Variants in MYBPC1 observed in about 807,000 individuals in gnomAD.
MYBPC1 encodes the protein myosin-binding protein C, slow-type.
MYBPC1 carries 52 observed loss-of-function variants against 147.1 expected under a neutral mutation model. The ratio of observed to expected loss-of-function variants is 0.35; its 90% confidence interval spans 0.28 to 0.45. The LOEUF (loss-of-function observed/expected upper bound fraction) is 0.45. Ranked by LOEUF, MYBPC1 falls within the 20% of genes least tolerant of loss-of-function variation. The probability of loss-of-function intolerance (pLI) is 1.00; values close to 1 mark genes in which losing one functional copy is unlikely to be tolerated. For synonymous variants in MYBPC1, 477 were observed against 475.9 expected, an observed-to-expected ratio of 1.00 and a Z score of -0.03; for missense variants, 1,228 against 1,440.3, an observed-to-expected ratio of 0.85 and a Z score of 2.39.
At chr12:101,638,539 T>C (rs192179599) in intron 10 of MYBPC1, among the ~76,000 whole-genome samples, 9 of 152,238 alleles carry the variant, frequency 5.9e-5, no homozygotes, top group African/African-American at 1.9e-4. Context: ...CAAATAAATA[T>C]GTACTTCCTC....
At chr12:101,612,510 A>G (rs1368758484) in intron 1 of MYBPC1, among the ~76,000 whole-genome samples, 1 of 152,212 alleles carries the variant, frequency 6.6e-6, no homozygotes, top group Non-Finnish European at 1.5e-5. Context: ...CCCATGAACA[A>G]CGGCTTTGAA....
intron 23 of MYBPC1, chr12:101,669,869 G>A (rs191841987): frequency 9.7e-4 from 270 of 279,762 alleles, no homozygotes; most frequent in Admixed American, 1.8e-3. Context: ...CCCAGGAGGC[G>A]GAGGTTGCAG....
intron 25 of MYBPC1, among the ~76,000 whole-genome samples, chr12:101,674,746 C>T (rs1211923313): frequency 2.0e-5 from 3 of 150,816 alleles, no homozygotes; most frequent in African/African-American, 7.3e-5. Flanking sequence ...ACTTGTGGTC[C>T]CAGCTACTTG....
intron 22 of MYBPC1, among the ~76,000 whole-genome samples, 185 bp from the exon 23 acceptor site, chr12:101,667,547 G>GT (rs1384140138): frequency 1.3e-5 from 2 of 152,172 alleles, no homozygotes; most frequent in African/African-American, 2.4e-5. Flanking sequence ...ATTTTAGGCT[G>GT]TTTTTTATTT....
At chr12:101,654,547 G>A (rs1216190424) in intron 18 of MYBPC1, among the ~76,000 whole-genome samples, 4 of 152,124 alleles carry the variant, frequency 2.6e-5, no homozygotes, top group African/African-American at 7.2e-5. Context: ...AGGAGACCAA[G>A]GCAGCTAGAG....
chr12:101,670,179 GTC>G, intron 23 of MYBPC1, 140 bp from the exon 24 acceptor site: 4 of 740,410 alleles, frequency 5.4e-6, no homozygotes, highest in Non-Finnish European at 1.0e-5. Context: ...ACTATATATC[GTC>G]TGTTAGTGGC....
chr12:101,636,538 A>G, intron 9 of MYBPC1, 134 bp from the exon 10 acceptor site: 1 of 748,142 alleles, frequency 1.3e-6, no homozygotes, highest in South Asian at 1.5e-5. Flanking sequence ...CTTGTGTGAA[A>G]AGAAATAGTT....
chr12:101,642,262 A>C (rs1892205911), intron 10 of MYBPC1, among the ~76,000 whole-genome samples, 157 bp from the exon 11 acceptor site: 1 of 152,210 alleles, frequency 6.6e-6, no homozygotes, highest in Non-Finnish European at 1.5e-5. Flanking sequence ...TAAGACTTCC[A>C]TTCCAGCAAG....
intron 30 of MYBPC1, among the ~76,000 whole-genome samples, chr12:101,683,121 G>C (rs955619645): frequency 1.3e-5 from 2 of 151,580 alleles, no homozygotes; most frequent in African/African-American, 4.8e-5. Flanking sequence ...ATGGAAAGAG[G>C]ATACAAAAAT....
intron 8 of MYBPC1, 118 bp from the exon 9 acceptor site, chr12:101,634,436 G>T: frequency 2.4e-6 from 2 of 824,982 alleles, no homozygotes. Context: ...CAGGAGAAAA[G>T]CCTCCCCCCT....
chr12:101,652,419 G>T (rs1894665180), intron 16 of MYBPC1, among the ~76,000 whole-genome samples: 1 of 152,046 alleles, frequency 6.6e-6, no homozygotes, highest in African/African-American at 2.4e-5. Context: ...AAGAATAATA[G>T]ACTCTGCATA....
rs1383000964 is a variant in MYBPC1 at position 101,620,965 on chromosome 12, C to T, written c.103+3722C>T. ...TGTGTGTATTAAATATCTCACATAA[C>T]CTGAGATGAAGTCTTTCTTTTTCAT... On this transcript the variant is annotated intron_variant, in intron 3 of 31. Transcript: ENST00000361466. 2.0e-5 allele frequency among the ~76,000 whole-genome samples: 3 copies of T among 152,090 alleles called. No homozygotes were observed. The East Asian group carries it at 5.8e-4, about 29-fold the overall frequency.
At chr12:101,684,556 G>A (rs1951236414) in intron 31 of MYBPC1, 132 bp downstream of exon 31, 2 of 693,244 alleles carry the variant, frequency 2.9e-6, no homozygotes, top group Non-Finnish European at 4.8e-6. Context: ...TAACTTTGTA[G>A]TTTTAATTTG....
Position 101,678,089 on chromosome 12 carries a change from GC to G in MYBPC1, c.3110-12del. On this transcript the variant is annotated splice_polypyrimidine_tract_variant and intron_variant, in intron 27 of 31. Coordinates refer to ENST00000361466, the MANE Select transcript of MYBPC1 (RefSeq NM_002465.4). Reference sequence around the variant, plus strand: ...TACATAATTTTAACATATTTGTAATGCTTGTTTTTAAGGTAAAATCTACAAA... The same window carrying G: ...TACATAATTTTAACATATTTGTAATGTTGTTTTTAAGGTAAAATCTACAAA... The G allele has an allele frequency of 6.2e-7, 1 of 1,609,970 alleles. No homozygotes were observed. Among genetic ancestry groups the G allele is most frequent in the South Asian group, 1.1e-5 (1 of 91,006 alleles).
In MYBPC1 at chr12:101,646,508, C is replaced by T. The variant is rs185318677; in HGVS notation, c.966-255C>T. ...AAATAAATTAGCTGGGCCTGATGCC[C>T]CACACCTGTGGTCCCGGCCACACGG... On this transcript the variant is annotated intron_variant, in intron 12 of 31. Coordinates refer to ENST00000361466, the MANE Select transcript of MYBPC1 (RefSeq NM_002465.4). 2.5e-4 allele frequency among the ~76,000 whole-genome samples: 38 copies of T among 152,092 alleles called. No individual in the cohort carries two copies. The Middle Eastern group carries it at 0.01, about 41-fold the overall frequency.
At chr12:101,612,555 T>C (rs1320233858) in intron 1 of MYBPC1, among the ~76,000 whole-genome samples, 6 of 152,024 alleles carry the variant, frequency 3.9e-5, no homozygotes, top group African/African-American at 1.4e-4. Flanking sequence ...AACCAAATAA[T>C]AATAGAAATA....
intron 25 of MYBPC1, among the ~76,000 whole-genome samples, chr12:101,674,862 C>CAAAAAAAAAAAAAAAAAAAAAAAAAAAAA (rs62824364): frequency 8.4e-5 from 5 of 59,840 alleles, no homozygotes; most frequent in African/African-American, 4.1e-4. Context: ...ACTCTGTCTC[C>CAAAAAAAAAAAAAAAAAAAAAAAAAAAAA]AAAAAAAAAA....
chr12:101,604,625 T>G (rs1417868991), intron 1 of MYBPC1, among the ~76,000 whole-genome samples: 1 of 152,238 alleles, frequency 6.6e-6, no homozygotes, highest in Non-Finnish European at 1.5e-5. Context: ...GGATATAATT[T>G]GTCTTAAATT....
chr12:101,678,083 T>G lies in MYBPC1; in HGVS notation c.3110-19T>G. 1 of 1,608,384 alleles carries G rather than the reference T, an allele frequency of 6.2e-7. No homozygotes were observed. The highest frequency in any genetic ancestry group is 8.5e-7 in the Non-Finnish European group (1 of 1,174,804). ...CCAATTTACATAATTTTAACATATT[T>G]GTAATGCTTGTTTTTAAGGTAAAAT... On this transcript the variant is annotated intron_variant, in intron 27 of 31. Coordinates refer to ENST00000361466, the MANE Select transcript of MYBPC1 (RefSeq NM_002465.4).
Sources: gnomAD v4.1 joint callset for allele counts (sites outside exome capture counted in the v4.1 genomes callset) on GRCh38, gnomAD v4.1.1 for gene constraint, MANE v1.5 for transcripts, NCBI Gene and HGNC (gene_info 2026-07-23, HGNC 2026-07-21) for gene names.